HEATR4: variants seen among roughly 807,000 people sequenced by gnomAD.
The protein encoded by HEATR4 is HEAT repeat-containing protein 4.
HEATR4 carries 95 observed loss-of-function variants against 108.8 expected under a neutral mutation model. That is an observed-to-expected ratio of 0.87 (90% CI 0.74 to 1.04). The LOEUF is 1.04. HEATR4 is among the 50% of genes least tolerant of loss of function. The pLI, the probability that HEATR4 is intolerant of heterozygous loss-of-function variation, is 0.00. For missense variants in HEATR4, 1,152 were observed against 1,253.8 expected, an observed-to-expected ratio of 0.92 and a Z score of 1.23; for synonymous variants, 443 against 459.4, an observed-to-expected ratio of 0.96 and a Z score of 0.46.
chr14:73,569,920 C>A, the HEATR4 span: 1 of 1,581,478 alleles, frequency 6.3e-7, no homozygotes, highest in Admixed American at 1.8e-5. Flanking sequence ...TGTTCGTTCG[C>A]CTTTCACTTT....
At chr14:73,632,341 A>G in the HEATR4 span, among the ~76,000 whole-genome samples, 1 of 152,144 alleles carries the variant, frequency 6.6e-6, no homozygotes, top group Admixed American at 6.6e-5. Context: ...AGTAATACAG[A>G]TAAAATAAAA....
chr14:73,593,611 G>C, the HEATR4 span: 1 of 1,287,420 alleles, frequency 7.8e-7, no homozygotes, highest in Non-Finnish European at 1.1e-6. Context: ...CTAAAGTGCT[G>C]AGATTACAAG....
At chr14:73,493,693 C>T (rs376385642) in intron 16 of HEATR4, among the ~76,000 whole-genome samples, 2 of 152,050 alleles carry the variant, frequency 1.3e-5, no homozygotes, top group Non-Finnish European at 2.9e-5. Context: ...CAAAAATTAG[C>T]CAGGCATAGT....
rs1211954311 is a variant in HEATR4, at chr14:73,493,070, A to G, written c.2840T>C (p.Ile947Thr). The G allele has an allele frequency of 3.1e-6, 5 of 1,593,894 alleles. No individual in the cohort carries two copies. Among genetic ancestry groups the G allele is most frequent in the Non-Finnish European group, 4.2e-6 (5 of 1,176,628 alleles). Reference protein sequence around the residue: ...PSEVCDTEAVIKPVKPRAPNP... With the variant: ...PSEVCDTEAVTKPVKPRAPNP... ...CATCAGTGTGCTCACATTTACCTTT[A>G]TCACTGCTTCAGTGTCACAAACCTC... Residue 947 changes from isoleucine (I) to threonine (T), a missense_variant, in exon 17 of 18, where the codon ATA (isoleucine) becomes ACA (threonine). Transcript: ENST00000553558.
At chr14:73,517,824 C>T (rs1258564498) in intron 5 of HEATR4, among the ~76,000 whole-genome samples, 1 of 151,928 alleles carries the variant, frequency 6.6e-6, no homozygotes. Flanking sequence ...CACGGTGGCT[C>T]ACGCCTGTAA....
rs1340301598 is a variant in HEATR4 at position 73,483,772 on chromosome 14, T to A, written c.2845-4930A>T. Among the ~76,000 whole-genome samples, 3 of 152,198 alleles carry A rather than the reference T, an allele frequency of 2.0e-5. No homozygotes were observed. The East Asian group carries it at 5.8e-4, about 29-fold the overall frequency. On this transcript the variant is annotated intron_variant, in intron 17 of 17. Transcript: ENST00000553558. The stretch of plus-strand genomic sequence containing the variant: ...ATGCATTTAAATTCAGTTTTGAACT[T>A]AAAATATCAATATGTAAAGCTGGAA...
chr14:73,561,344 C>T (rs972672613), upstream of HEATR4, among the ~76,000 whole-genome samples: 6 of 148,380 alleles, frequency 4.0e-5, no homozygotes, highest in Admixed American at 2.0e-4. Context: ...CCAGCCCGGG[C>T]GACAGAGCGA....
intron 17 of HEATR4, among the ~76,000 whole-genome samples, chr14:73,480,421 CAGAG>C (rs1325494230): frequency 6.6e-6 from 1 of 152,076 alleles, no homozygotes; most frequent in East Asian, 1.9e-4. Flanking sequence ...GCCTGGGCGA[CAGAG>C]AGAGACTTTG....
In HEATR4 at chr14:73,506,804, GTTTTTT is replaced by G. The variant is rs34660727; in HGVS notation, c.1882-239_1882-234del. 7.1e-4 allele frequency among the ~76,000 whole-genome samples: 57 copies of G among 80,492 alleles called. 1 individual carries two copies. The highest frequency in any genetic ancestry group is 8.3e-3 in the Middle Eastern group (1 of 120). The allele number at this position is 80,492 out of a possible 152,430, so 52.8% of individuals were successfully genotyped here. ...GGACCTTCCTTTCCTGACTTTAACT[GTTTTTT>G]TTTTTTTTTTTTTTTCTGAGAAGGT... On this transcript the variant is annotated intron_variant, in intron 9 of 17. Coordinates refer to ENST00000553558, the MANE Select transcript of HEATR4 (RefSeq NM_001220484.1).
the HEATR4 span, among the ~76,000 whole-genome samples, chr14:73,564,722 T>A: frequency 4.3e-5 from 2 of 46,942 alleles, no homozygotes; most frequent in Non-Finnish European, 7.3e-5. Flanking sequence ...ATCTTTTCTG[T>A]TTTTTGTTTT....
At chr14:73,618,730 AAATATTAGGG>A in the HEATR4 span, among the ~76,000 whole-genome samples, 2 of 152,202 alleles carry the variant, frequency 1.3e-5, no homozygotes, top group African/African-American at 4.8e-5. Context: ...CAGTCCTCAT[AAATATTAGGG>A]GATGACCCAT....
the HEATR4 span, chr14:73,591,894 C>A: frequency 1.5e-6 from 2 of 1,314,844 alleles, no homozygotes; most frequent in East Asian, 6.3e-5. Flanking sequence ...GGACATTCGG[C>A]GCGCTTGCCA....
chr14:73,592,549 T>G, the HEATR4 span: 2 of 1,127,000 alleles, frequency 1.8e-6, no homozygotes, highest in Non-Finnish European at 2.4e-6. Flanking sequence ...CAGTGGCCAC[T>G]CTACCAAAAT....
chr14:73,600,833 T>C, the HEATR4 span, among the ~76,000 whole-genome samples: 7 of 152,134 alleles, frequency 4.6e-5, no homozygotes, highest in African/African-American at 1.7e-4. Flanking sequence ...AATACACCTC[T>C]AGATATCTGT....
At chr14:73,591,269 G>A in the HEATR4 span, among the ~76,000 whole-genome samples, 2 of 152,216 alleles carry the variant, frequency 1.3e-5, no homozygotes, top group South Asian at 2.1e-4. Context: ...AAAGCAGGCC[G>A]GGCGCAGCGG....
chr14:73,569,252 G>A, the HEATR4 span: 2 of 1,613,648 alleles, frequency 1.2e-6, no homozygotes, highest in African/African-American at 2.7e-5. Context: ...TGTCTAACAA[G>A]CTTCTTTCTC....
the HEATR4 span, among the ~76,000 whole-genome samples, chr14:73,590,751 C>T: frequency 6.6e-6 from 1 of 151,732 alleles, no homozygotes; most frequent in South Asian, 2.1e-4. Flanking sequence ...CGAGCCCACG[C>T]CCACCCGGGA....
chr14:73,498,695 T>G (rs1886244509), intron 13 of HEATR4, among the ~76,000 whole-genome samples: 1 of 152,166 alleles, frequency 6.6e-6, no homozygotes, highest in Non-Finnish European at 1.5e-5. Context: ...CTAGGCAGAT[T>G]AAGGGGCAGG....
chr14:73,478,874 T>C (rs767652945), intron 17 of HEATR4, 32 bp from the exon 18 acceptor site: 11 of 1,526,426 alleles, frequency 7.2e-6, no homozygotes, highest in African/African-American at 1.4e-5. Flanking sequence ...TGAGTGCATA[T>C]GCCAAACGTG....
Sources: gnomAD v4.1 joint callset for allele counts (sites outside exome capture counted in the v4.1 genomes callset) on GRCh38, gnomAD v4.1.1 for gene constraint, MANE v1.5 for transcripts, NCBI Gene and HGNC (gene_info 2026-07-23, HGNC 2026-07-21) for gene names.